The following PRDM8 variants were observed in gnomAD, a reference collection of about 807,000 sequenced individuals.
The protein encoded by PRDM8 is PR domain zinc finger protein 8.
A neutral mutation model predicts 46.5 loss-of-function variants in PRDM8; 13 were observed. The observed-to-expected ratio is 0.28, with a 90% CI of 0.18 to 0.44. The LOEUF is 0.44. Ranked by LOEUF, PRDM8 falls within the 20% of genes least tolerant of loss-of-function variation. The pLI, the probability that PRDM8 is intolerant of heterozygous loss-of-function variation, is 1.00. For synonymous variants in PRDM8, 473 were observed against 438.4 expected (o/e 1.08, Z -0.98); for missense variants, 998 against 955.0 (o/e 1.04, Z -0.59).
rs891877338 is a variant in PRDM8, at chr4:80,202,911, AGGCGGCGCG to A, written c.1455_1463del (p.Ala486_Gly488del). On this transcript the variant is annotated inframe_deletion, in exon 4 of 4. Coordinates refer to ENST00000415738, the MANE Select transcript of PRDM8 (RefSeq NM_001099403.2). ...GGGGCGGAACGGGCGCCGGGGCCGC[AGGCGGCGCG>A]GGCGGGGGCCAGGGCGCCGCGTCGG... 1.3e-5 allele frequency: 17 copies of A among 1,341,788 alleles called. No individual in the cohort carries two copies. Among genetic ancestry groups the A allele is most frequent in the Non-Finnish European group, 1.5e-5 (16 of 1,057,760 alleles). 83.1% of individuals were successfully genotyped at this position (1,341,788 alleles called of 1,614,324 possible).
chr4:80,196,195 C>T (rs1299802667), upstream of PRDM8: 1 of 904,696 alleles, frequency 1.1e-6, no homozygotes, highest in East Asian at 1.2e-4. Context: ...GAGGCTGTCT[C>T]CTTACGTTGT....
intron 2 of PRDM8, 28 bp downstream of exon 2, chr4:80,200,327 G>A: frequency 6.4e-7 from 1 of 1,556,256 alleles, no homozygotes; most frequent in Non-Finnish European, 8.9e-7. Flanking sequence ...CTGTGTAGGT[G>A]TATGAGGGTA....
chr4:80,190,309 G>C (rs1364258022), intron 1 of PRDM8: 1 of 152,288 alleles, frequency 6.6e-6, no homozygotes, highest in Non-Finnish European at 1.5e-5. Flanking sequence ...TAAAGAACAT[G>C]GGAAATGTGG....
upstream of PRDM8, chr4:80,196,723 A>G (rs1358024730): frequency 1.1e-6 from 1 of 898,114 alleles, no homozygotes; most frequent in Non-Finnish European, 1.3e-6. Context: ...GGGGGGAAAA[A>G]CCCCACGAAA....
chr4:80,186,242 T>C (rs575467847), intron 1 of PRDM8, among the ~76,000 whole-genome samples: 1 of 151,990 alleles, frequency 6.6e-6, no homozygotes, highest in African/African-American at 2.4e-5. Context: ...GAGGCCTCCC[T>C]ACTAGCGGGT....
At position 80,203,229 on chromosome 4, in the gene PRDM8, T is replaced by C. The variant is rs773515375; in HGVS notation, c.1767T>C (p.Ala589=). 5.1e-6 allele frequency: 8 copies of C among 1,555,362 alleles called. No homozygotes were observed. Among genetic ancestry groups the C allele is most frequent in the Non-Finnish European group, 6.9e-6 (8 of 1,151,882 alleles). ...TCTGGCCCAAGAGCTCCGCTGCCGC[T>C]GCAGCCGCGGCTGCGGCGGCGGCCG... is the stretch of plus-strand genomic sequence containing the variant. The part of the protein sequence containing the change: ...TAFWPKSSAA[A]AAAAAAAAAG... Residue 589 remains alanine, a synonymous_variant, in exon 4 of 4, where the codon GCT becomes GCC. Coordinates refer to ENST00000415738, the MANE Select transcript of PRDM8 (RefSeq NM_001099403.2).
intron 3 of PRDM8, 77 bp downstream of exon 3, chr4:80,201,598 G>C: frequency 7.2e-7 from 1 of 1,389,172 alleles, no homozygotes; most frequent in Non-Finnish European, 1.0e-6. Context: ...GGCTCACCCG[G>C]CGCGTTGGCG....
chr4:80,196,062 C>T (rs1319799285), upstream of PRDM8: 1 of 985,184 alleles, frequency 1.0e-6, no homozygotes, highest in African/African-American at 1.7e-5. Flanking sequence ...GCTGTCAAAG[C>T]CTCAATACCC....
At chr4:80,185,863 T>C (rs1170200787) in intron 1 of PRDM8, among the ~76,000 whole-genome samples, 1 of 152,246 alleles carries the variant, frequency 6.6e-6, no homozygotes, top group African/African-American at 2.4e-5. Context: ...TTATCGTTGA[T>C]TAATTAGGAA....
chr4:80,202,959 C>G lies in PRDM8; in HGVS notation c.1497C>G (p.Ser499Arg), dbSNP rs1179481993. The change falls in exon 4 of 4, where the codon AGC (serine) becomes AGG (arginine). Residue 499 changes from serine to arginine, a missense_variant. By Grantham distance (110) the Ser-to-Arg change is moderately radical (BLOSUM62 -1). Transcript: ENST00000415738. ...GCGCCGCGTCGGACGAGCGCAAAAG[C>G]GCCTTCTCGCAGCCAGCACGCTCTT... The part of the protein sequence containing the change: ...GQGAASDERK[S>R]AFSQPARSFS... 1 of 1,487,080 alleles carries G rather than the reference C, an allele frequency of 6.7e-7. No individual in the cohort carries two copies. Among genetic ancestry groups the G allele is most frequent in the Admixed American group, 2.3e-5 (1 of 44,048 alleles). 92.1% of individuals were successfully genotyped at this position (1,487,080 alleles called of 1,614,324 possible).
upstream of PRDM8, among the ~76,000 whole-genome samples, chr4:80,193,324 G>A (rs559319911): frequency 3.7e-4 from 56 of 152,202 alleles, no homozygotes; most frequent in African/African-American, 1.3e-3. Context: ...TATAAAAAAC[G>A]AGTAGCCCTT....
chr4:80,202,647 G>A lies in PRDM8; in HGVS notation c.1185G>A (p.Ala395=), dbSNP rs1359017984. 2.7e-6 allele frequency: 4 copies of A among 1,506,796 alleles called. No individual in the cohort carries two copies. The highest frequency in any genetic ancestry group is 3.5e-6 in the Non-Finnish European group (4 of 1,133,202). 93.3% of individuals were successfully genotyped at this position (1,506,796 alleles called of 1,614,324 possible). The part of the protein sequence containing the change: ...AFVEVKKAAR[A]ASLQEEGTAD... ...TGGAGGTGAAGAAGGCTGCCCGCGC[G>A]GCCAGCCTGCAGGAGGAGGGGACAG... The change falls in exon 4 of 4, where the codon GCG becomes GCA. Residue 395 remains alanine, a synonymous_variant. Coordinates refer to ENST00000415738, the MANE Select transcript of PRDM8 (RefSeq NM_001099403.2).
At position 80,187,252 on chromosome 4, in the gene PRDM8, G is replaced by GT. The variant is rs200253566; in HGVS notation, c.-983+1734_-983+1735insT. ...ATCAGCATTCTCTGCCCTGGGGCGG[G>GT]GGGAAGCAGAAGAATATCATCTTGA... On this transcript the variant is annotated intron_variant, in intron 1 of 9. Transcript: ENST00000339711. 2.1e-5 allele frequency among the ~76,000 whole-genome samples: 3 copies of GT among 141,600 alleles called. 1 individual carries two copies. Among genetic ancestry groups the GT allele is most frequent in the African/African-American group, 7.8e-5 (3 of 38,236 alleles). The allele number at this position is 141,600 out of a possible 152,430, so 92.9% of individuals were successfully genotyped here.
chr4:80,196,884 T>G, upstream of PRDM8: 2 of 981,712 alleles, frequency 2.0e-6, no homozygotes, highest in African/African-American at 1.7e-5. Flanking sequence ...GGTGACATTC[T>G]CACTCCAACC....
chr4:80,194,088 A>G (rs886144994), upstream of PRDM8: 4 of 259,752 alleles, frequency 1.5e-5, no homozygotes, highest in Non-Finnish European at 2.4e-5. Context: ...TCCCTTTCTT[A>G]CCCTTTCTCC....
chr4:80,202,799 C>G lies in PRDM8; in HGVS notation c.1337C>G (p.Pro446Arg). The G allele has an allele frequency of 2.4e-6, 3 of 1,229,568 alleles. No individual in the cohort carries two copies. The highest frequency in any genetic ancestry group is 3.0e-6 in the Non-Finnish European group (3 of 988,700). 76.2% of individuals were successfully genotyped at this position (1,229,568 alleles called of 1,614,324 possible). A position where few individuals can be genotyped will look rare whatever the true frequency, so the allele number is the denominator to read the frequency against. The change falls in exon 4 of 4, where the codon CCC becomes CGC. Residue 446 changes from proline to arginine, a missense_variant. By Grantham distance (103) the Pro-to-Arg change is moderately radical. Coordinates refer to ENST00000415738, the MANE Select transcript of PRDM8 (RefSeq NM_001099403.2). ...LLAPRPGGPL[P>R]SRLEGGSPAR... ...GCCCCGCGGCCTGGGGGCCCGCTGC[C>G]CAGCCGGCTCGAGGGCGGCAGTCCT...
In PRDM8 at chr4:80,197,663, A is replaced by G. The variant is rs1738067325; in HGVS notation, c.-103A>G. ...GGCGGCAACACCAACACCTCTTGAC[A>G]TGGAAATACACTGATACAATAGGCA... On this transcript the variant is annotated 5_prime_UTR_variant, in exon 1 of 4. An upstream start codon of the reference 5' UTR is lost. Coordinates refer to ENST00000415738, the MANE Select transcript of PRDM8 (RefSeq NM_001099403.2). 8.1e-6 allele frequency: 8 copies of G among 983,124 alleles called. No individual in the cohort carries two copies. The highest frequency in any genetic ancestry group is 8.5e-6 in the Non-Finnish European group (7 of 827,984). 60.9% of individuals were successfully genotyped at this position (983,124 alleles called of 1,614,324 possible).
chr4:80,193,545 T>C (rs1737708882), upstream of PRDM8, among the ~76,000 whole-genome samples: 1 of 152,262 alleles, frequency 6.6e-6, no homozygotes, highest in East Asian at 1.9e-4. Context: ...TTTTTCTTAA[T>C]TGACCAGCCC....
At chr4:80,185,768 G>C (rs555809097) in intron 1 of PRDM8, among the ~76,000 whole-genome samples, 1 of 152,184 alleles carries the variant, frequency 6.6e-6, no homozygotes, top group Non-Finnish European at 1.5e-5. Context: ...CTATCATGTC[G>C]TTCAATTAAT....
Sources: allele counts gnomAD v4.1 joint callset (sites outside exome capture counted in the v4.1 genomes callset), GRCh38; gene constraint gnomAD v4.1.1; transcripts MANE v1.5; gene names NCBI Gene and HGNC (gene_info 2026-07-23, HGNC 2026-07-21).